RBFOX2: variants seen among roughly 807,000 people sequenced by gnomAD.
RBFOX2 encodes RNA binding fox-1 homolog 2, also known as RNA binding protein fox-1 homolog 2.
Under a neutral mutation model 49.1 loss-of-function variants are expected in RBFOX2, and 10 were observed. That is an observed-to-expected ratio of 0.20 (90% CI 0.13 to 0.35). The LOEUF (loss-of-function observed/expected upper bound fraction) is 0.35, where lower values mean the gene tolerates loss of function less well. RBFOX2 is among the 10% of genes least tolerant of loss of function. The probability of loss-of-function intolerance (pLI) is 1.00; values close to 1 mark genes in which losing one functional copy is unlikely to be tolerated. For missense variants in RBFOX2, 323 were observed against 486.9 expected (o/e 0.66, Z 3.17); for synonymous variants, 183 against 187.4 (o/e 0.98, Z 0.19).
intron 2 of RBFOX2, among the ~76,000 whole-genome samples, chr22:35,793,022 C>T (rs1397948285): frequency 6.6e-6 from 1 of 152,214 alleles, no homozygotes; most frequent in Non-Finnish European, 1.5e-5. Context: ...CCTAAGCTTC[C>T]CAGGTTGCTG....
At chr22:35,807,975 T>C (rs905448642) in intron 2 of RBFOX2, among the ~76,000 whole-genome samples, 1 of 151,936 alleles carries the variant, frequency 6.6e-6, no homozygotes, top group African/African-American at 2.4e-5. Context: ...ATTGACAATT[T>C]ATATGAAGCA....
chr22:35,889,070 G>A (rs1473736159), intron 1 of RBFOX2, among the ~76,000 whole-genome samples: 28 of 152,098 alleles, frequency 1.8e-4, no homozygotes, highest in African/African-American at 3.1e-4. Context: ...CAGGAGAATC[G>A]CTTGAATGCA....
exon 12 of RBFOX2, chr22:35,744,133 A>G: frequency 1.5e-6 from 2 of 1,345,216 alleles, no homozygotes; most frequent in Non-Finnish European, 2.0e-6. Context: ...GAGTTCCTCT[A>G]CTAGTAAATA....
chr22:35,942,416 CAAAG>C (rs952379180), upstream of RBFOX2, among the ~76,000 whole-genome samples: 40 of 151,966 alleles, frequency 2.6e-4, no homozygotes, highest in East Asian at 4.6e-3. Context: ...TCTATCTAGA[CAAAG>C]AAGCATGTGC....
chr22:35,828,032 A>C (rs984788126), intron 1 of RBFOX2, among the ~76,000 whole-genome samples: 2 of 152,048 alleles, frequency 1.3e-5, no homozygotes, highest in Non-Finnish European at 2.9e-5. Flanking sequence ...ATAATGGCAC[A>C]TGCCTGTAAT....
At chr22:35,995,391 C>A (rs2058147625) in intron 1 of RBFOX2, 1 of 152,212 alleles carries the variant, frequency 6.6e-6, no homozygotes, top group African/African-American at 2.4e-5. Flanking sequence ...CTCCTCTCCG[C>A]CGGCAATGTT....
At chr22:35,757,237 A>C (rs1206082697) in intron 9 of RBFOX2, among the ~76,000 whole-genome samples, 1 of 152,058 alleles carries the variant, frequency 6.6e-6, no homozygotes, top group Non-Finnish European at 1.5e-5. Flanking sequence ...AAAAAAAAAA[A>C]AACAAAACCT....
intron 1 of RBFOX2, among the ~76,000 whole-genome samples, chr22:35,977,482 T>C (rs914285863): frequency 7.2e-5 from 11 of 151,980 alleles, no homozygotes; most frequent in Non-Finnish European, 1.6e-4. Flanking sequence ...ATTCCATTTA[T>C]ATAACATTTT....
intron 1 of RBFOX2, among the ~76,000 whole-genome samples, chr22:35,871,086 G>A (rs1168316795): frequency 6.6e-6 from 1 of 152,178 alleles, no homozygotes; most frequent in African/African-American, 2.4e-5. Context: ...AGTATCCTGG[G>A]TTGGTATGTT....
intron 9 of RBFOX2, among the ~76,000 whole-genome samples, chr22:35,753,041 G>A (rs564666341): frequency 5.9e-5 from 9 of 152,294 alleles, no homozygotes; most frequent in Admixed American, 1.3e-4. Context: ...CTGTGAAAGG[G>A]ATTACAAAAA....
chr22:35,882,714 G>A (rs970008698), intron 1 of RBFOX2, among the ~76,000 whole-genome samples: 11 of 152,154 alleles, frequency 7.2e-5, no homozygotes, highest in African/African-American at 2.7e-4. Flanking sequence ...CATGAGTGAG[G>A]GGACAGTTTA....
chr22:35,781,568 G>GT, intron 3 of RBFOX2, 32 bp downstream of exon 4: 1 of 1,601,512 alleles, frequency 6.2e-7, no homozygotes, highest in Non-Finnish European at 8.5e-7. Flanking sequence ...TACTTTAATT[G>GT]TAAAATCCAT....
chr22:35,796,814 T>C (rs1315891358), intron 2 of RBFOX2, among the ~76,000 whole-genome samples: 1 of 152,168 alleles, frequency 6.6e-6, no homozygotes, highest in East Asian at 1.9e-4. Context: ...TCATCACGGA[T>C]CTCATCAGAA....
chr22:35,903,402 T>A (rs1247765355), intron 1 of RBFOX2, among the ~76,000 whole-genome samples: 1 of 152,206 alleles, frequency 6.6e-6, no homozygotes, highest in East Asian at 1.9e-4. Context: ...TTTCAGTATC[T>A]TTTTATGGCT....
At chr22:35,951,237 G>A (rs532561972) in intron 1 of RBFOX2, among the ~76,000 whole-genome samples, 34 of 126,498 alleles carry the variant, frequency 2.7e-4, no homozygotes, top group South Asian at 4.9e-4. Context: ...TACCGCACCC[G>A]GCCCTTTTTT....
At chr22:35,821,330 G>A (rs1954416638) in intron 1 of RBFOX2, among the ~76,000 whole-genome samples, 1 of 152,106 alleles carries the variant, frequency 6.6e-6, no homozygotes, top group Non-Finnish European at 1.5e-5. Context: ...GGCCAGGCGT[G>A]TTGGCTCACA....
chr22:36,000,852 T>A (rs558135268), intron 1 of RBFOX2, among the ~76,000 whole-genome samples: 1 of 152,082 alleles, frequency 6.6e-6, no homozygotes, highest in South Asian at 2.1e-4. Flanking sequence ...TATCTCCACA[T>A]AACACAAAAG....
chr22:35,946,898 T>C (rs1159400125), intron 1 of RBFOX2, among the ~76,000 whole-genome samples: 2 of 152,140 alleles, frequency 1.3e-5, no homozygotes, highest in African/African-American at 4.8e-5. Context: ...CCCATGAGAT[T>C]ATAACGAAGC....
chr22:35,757,239 A>AG, intron 9 of RBFOX2, among the ~76,000 whole-genome samples: 2 of 151,904 alleles, frequency 1.3e-5, no homozygotes, highest in East Asian at 3.9e-4. Flanking sequence ...AAAAAAAAAA[A>AG]CAAAACCTAA....
Sources: allele counts gnomAD v4.1 joint callset (sites outside exome capture counted in the v4.1 genomes callset), GRCh38; gene constraint gnomAD v4.1.1; transcripts MANE v1.5; gene names NCBI Gene and HGNC (gene_info 2026-07-23, HGNC 2026-07-21).